The following EPS15 variants were observed in gnomAD, a reference collection of about 807,000 sequenced individuals.
EPS15 encodes epidermal growth factor receptor pathway substrate 15, also known as epidermal growth factor receptor substrate 15.
A neutral mutation model predicts 113.8 loss-of-function variants in EPS15; 72 were observed. The observed-to-expected ratio is 0.63, with a 90% confidence interval of 0.52 to 0.77. The LOEUF is 0.77. EPS15 is among the 30% of genes least tolerant of loss of function. The pLI is 0.00. For synonymous variants in EPS15, 344 were observed against 363.4 expected, an observed-to-expected ratio of 0.95 and a Z score of 0.61; for missense variants, 1,048 against 1,045.8, an observed-to-expected ratio of 1.00 and a Z score of -0.03.
At position 51,421,846 on chromosome 1, in the gene EPS15, ATTATTC is replaced by A; in HGVS notation, c.1047_1052del (p.Lys349_Asn350del). 2 of 1,611,526 alleles carry A rather than the reference ATTATTC, an allele frequency of 1.2e-6. No individual in the cohort carries two copies. Among genetic ancestry groups the A allele is most frequent in the Non-Finnish European group, 1.7e-6 (2 of 1,178,446 alleles). ...CCTTCTCCTTAAGGTCCTGTTCCAC[ATTATTC>A]TTTTCCCTAGAAGACCAGCAAACAA... On this transcript the variant is annotated inframe_deletion, in exon 13 of 25. Transcript: ENST00000371733.
chr1:51,504,924 C>G (rs1343954894), intron 1 of EPS15, among the ~76,000 whole-genome samples: 1 of 152,088 alleles, frequency 6.6e-6, no homozygotes, highest in Non-Finnish European at 1.5e-5. Context: ...AGTTTGAGAC[C>G]AGCCCAGACA....
chr1:51,364,609 C>T (rs895634710), intron 22 of EPS15, among the ~76,000 whole-genome samples: 3 of 151,998 alleles, frequency 2.0e-5, no homozygotes, highest in African/African-American at 4.8e-5. Flanking sequence ...ATCCTCCTGC[C>T]TCAGCCTCTC....
At chr1:51,474,936 G>GT (rs1256744625) in intron 2 of EPS15, among the ~76,000 whole-genome samples, 37 of 151,184 alleles carry the variant, frequency 2.4e-4, no homozygotes, top group African/African-American at 8.5e-4. Context: ...GCGGTGTTTG[G>GT]TTTTTTGTCC....
At chr1:51,421,971 T>G in intron 12 of EPS15, 113 bp from the exon 13 acceptor site, 3 of 1,458,322 alleles carry the variant, frequency 2.1e-6, no homozygotes, top group Non-Finnish European at 2.7e-6. Flanking sequence ...AAACATTCAA[T>G]TTTTAAATGA....
chr1:51,497,596 G>A (rs1219170540), intron 1 of EPS15, among the ~76,000 whole-genome samples: 1 of 152,158 alleles, frequency 6.6e-6, no homozygotes, highest in Non-Finnish European at 1.5e-5. Context: ...CATCTTAGAA[G>A]TATCATGACA....
At chr1:51,496,346 G>C (rs1217632376) in intron 1 of EPS15, among the ~76,000 whole-genome samples, 1 of 152,074 alleles carries the variant, frequency 6.6e-6, no homozygotes, top group Non-Finnish European at 1.5e-5. Flanking sequence ...ATCGTACTAA[G>C]CTCTTTCATA....
Position 51,445,689 on chromosome 1 carries a change from C to A in EPS15, c.798-644G>T, listed in dbSNP as rs1652985207. Among the ~76,000 whole-genome samples, 4 of 150,992 alleles carry A rather than the reference C, an allele frequency of 2.6e-5. No homozygotes were observed. The South Asian group carries it at 8.4e-4, about 32-fold the overall frequency. Reference sequence around the variant, plus strand: ...TTCTGAAATCCTGATCTGTTTAATGCACTGAAGGCCAGTAGGGCCTGATGA... The same window carrying A: ...TTCTGAAATCCTGATCTGTTTAATGAACTGAAGGCCAGTAGGGCCTGATGA... On this transcript the variant is annotated intron_variant, in intron 10 of 24. Coordinates refer to ENST00000371733, the MANE Select transcript of EPS15 (RefSeq NM_001981.3).
chr1:51,378,160 G>A (rs1228516050), intron 21 of EPS15, among the ~76,000 whole-genome samples: 4 of 151,548 alleles, frequency 2.6e-5, no homozygotes, highest in Non-Finnish European at 5.9e-5. Flanking sequence ...GCCTCCCAAA[G>A]TGCTGGGATT....
chr1:51,455,967 T>G (rs1375419162), intron 8 of EPS15, among the ~76,000 whole-genome samples: 1 of 150,392 alleles, frequency 6.6e-6, no homozygotes, highest in East Asian at 1.9e-4. Flanking sequence ...ACCAAAAAAC[T>G]AAAAGATATT....
chr1:51,431,846 C>T (rs753619364), intron 12 of EPS15, among the ~76,000 whole-genome samples: 3 of 152,086 alleles, frequency 2.0e-5, no homozygotes, highest in Non-Finnish European at 4.4e-5. Flanking sequence ...AAATATAAAA[C>T]GAAACCTTAA....
chr1:51,514,704 GC>G (rs1644683667), intron 1 of EPS15, among the ~76,000 whole-genome samples: 1 of 152,126 alleles, frequency 6.6e-6, no homozygotes, highest in African/African-American at 2.4e-5. Flanking sequence ...ACAAAGGAAT[GC>G]ACTCTTAGAT....
At chr1:51,386,026 T>C (rs1051931076) in intron 21 of EPS15, among the ~76,000 whole-genome samples, 1 of 152,174 alleles carries the variant, frequency 6.6e-6, no homozygotes, top group Non-Finnish European at 1.5e-5. Flanking sequence ...AAGGTTAAAA[T>C]GCCAAACTTT....
intron 13 of EPS15, among the ~76,000 whole-genome samples, chr1:51,420,930 T>A (rs1163199985): frequency 2.0e-5 from 3 of 152,030 alleles, no homozygotes; most frequent in Non-Finnish European, 4.4e-5. Flanking sequence ...AGCAGGAAAA[T>A]CCAACATACA....
In EPS15 at chr1:51,356,642, T is replaced by C. The variant is rs187789770; in HGVS notation, c.*58A>G. On this transcript the variant is annotated 3_prime_UTR_variant, in exon 25 of 25. Transcript: ENST00000371733. ...AGGTAGTTTTGATACACATTGTAAA[T>C]AGTTTCAGTATTCAGGAAGAAGAAT... is the stretch of plus-strand genomic sequence containing the variant. The C allele has an allele frequency of 1.9e-4, 272 of 1,457,640 alleles. No individual in the cohort carries two copies. The East Asian group carries it at 3.2e-3, about 17-fold the overall frequency. 90.3% of individuals were successfully genotyped at this position (1,457,640 alleles called of 1,614,324 possible). A position where few individuals can be genotyped will look rare whatever the true frequency, so the allele number is the denominator to read the frequency against.
intron 1 of EPS15, among the ~76,000 whole-genome samples, chr1:51,487,274 A>C (rs191846088): frequency 6.6e-6 from 1 of 152,206 alleles, no homozygotes; most frequent in Admixed American, 6.5e-5. Flanking sequence ...AATATTTATT[A>C]CCAAAAATAG....
At chr1:51,483,003 A>T (rs1399003396) in intron 1 of EPS15, among the ~76,000 whole-genome samples, 1 of 152,226 alleles carries the variant, frequency 6.6e-6, no homozygotes, top group Non-Finnish European at 1.5e-5. Flanking sequence ...GCTCGCCGTC[A>T]GAGTATTAAA....
chr1:51,491,859 AT>A (rs1007233147), intron 1 of EPS15, among the ~76,000 whole-genome samples: 2,650 of 129,786 alleles, frequency 0.02, 23 homozygotes, highest in African/African-American at 0.029. Flanking sequence ...AACTCATTTA[AT>A]TTTTTTTTTT....
At position 51,474,447 on chromosome 1, in the gene EPS15, C is replaced by A. The variant is rs548381393; in HGVS notation, c.76-1499G>T. On this transcript the variant is annotated intron_variant, in intron 2 of 24. Transcript: ENST00000371733. ...CAGGATTTCCAGGACTCTTTTCAGT[C>A]TGAAAGAAGATGTACTTCATAAAAG... is the stretch of plus-strand genomic sequence containing the variant. 2.6e-5 allele frequency among the ~76,000 whole-genome samples: 4 copies of A among 152,270 alleles called. No homozygotes were observed. In the East Asian group the frequency reaches 7.7e-4, roughly 29 times the overall value.
chr1:51,413,028 T>G, intron 13 of EPS15, among the ~76,000 whole-genome samples: 1 of 152,220 alleles, frequency 6.6e-6, no homozygotes. Context: ...CAAGACACAT[T>G]AAAACCTTCA....
Sources: allele counts gnomAD v4.1 joint callset (sites outside exome capture counted in the v4.1 genomes callset), GRCh38; gene constraint gnomAD v4.1.1; transcripts MANE v1.5; gene names NCBI Gene and HGNC (gene_info 2026-07-23, HGNC 2026-07-21).